KIAA1217: variants seen among roughly 807,000 people sequenced by gnomAD.
KIAA1217 encodes the protein KIAA1217, also known as sickle tail protein homolog.
In KIAA1217, 88 loss-of-function variants were observed where a neutral mutation model predicts 163.9. That is an observed-to-expected ratio of 0.54 (90% CI 0.45 to 0.64). KIAA1217 has a LOEUF of 0.64. KIAA1217 is among the 30% of genes least tolerant of loss of function. The pLI, the probability that KIAA1217 is intolerant of heterozygous loss-of-function variation, is 0.00. For synonymous variants in KIAA1217, 903 were observed against 923.1 expected (o/e 0.98, Z 0.39); for missense variants, 2,372 against 2,475.0 (o/e 0.96, Z 0.88).
At chr10:23,843,716 A>G (rs923255207) in intron 1 of KIAA1217, among the ~76,000 whole-genome samples, 1 of 152,196 alleles carries the variant, frequency 6.6e-6, no homozygotes, top group Non-Finnish European at 1.5e-5. Context: ...CTGTATAGGC[A>G]GGGTGATAAT....
chr10:24,198,597 A>T (rs910786189), intron 2 of KIAA1217, among the ~76,000 whole-genome samples: 7 of 152,034 alleles, frequency 4.6e-5, no homozygotes, highest in Admixed American at 3.9e-4. Flanking sequence ...AAAAAAAAAA[A>T]AAAGCATTTA....
intron 2 of KIAA1217, among the ~76,000 whole-genome samples, chr10:24,075,832 G>A (rs1339711546): frequency 6.6e-6 from 1 of 152,062 alleles, no homozygotes. Context: ...TTGAACTCCT[G>A]ACCTCAAGTA....
intron 5 of KIAA1217, among the ~76,000 whole-genome samples, chr10:24,463,023 T>G (rs2062582065): frequency 6.6e-6 from 1 of 152,192 alleles, no homozygotes; most frequent in Admixed American, 6.5e-5. Flanking sequence ...AGGAATTATT[T>G]GTACCATCTG....
At chr10:24,211,583 TTG>T in intron 1 of KIAA1217, among the ~76,000 whole-genome samples, 1 of 146,530 alleles carries the variant, frequency 6.8e-6, no homozygotes, top group African/African-American at 2.5e-5. Flanking sequence ...TTGTATTGTA[TTG>T]TATTGTATTT....
At chr10:24,488,313 GA>G (rs947212949) in intron 6 of KIAA1217, among the ~76,000 whole-genome samples, 2 of 152,302 alleles carry the variant, frequency 1.3e-5, no homozygotes, top group South Asian at 2.1e-4. Context: ...GATGGGAGGG[GA>G]TTTCCTGGGT....
Position 24,077,012 on chromosome 10 carries a change from G to A in KIAA1217, c.-171+69638G>A, listed in dbSNP as rs1424333745. Reference sequence around the variant, plus strand: ...CTGCCTCAGCCTCCCAAGTAGCAGGGATTACAGGCATGCACCACCATGCCT... The same window carrying A: ...CTGCCTCAGCCTCCCAAGTAGCAGGAATTACAGGCATGCACCACCATGCCT... On this transcript the variant is annotated intron_variant, in intron 2 of 18. Coordinates refer to the KIAA1217 transcript ENST00000376462. 2.0e-5 allele frequency among the ~76,000 whole-genome samples: 3 copies of A among 151,902 alleles called. No homozygotes were observed. In the East Asian group the frequency reaches 5.8e-4, roughly 29 times the overall value.
chr10:23,790,207 A>G lies in KIAA1217; in HGVS notation c.-321+94973A>G, dbSNP rs183449838. The stretch of plus-strand genomic sequence containing the variant: ...TACACATATACACATATGCATATAC[A>G]CATATACACATATGCATATGCACAT... On this transcript the variant is annotated intron_variant, in intron 1 of 18. Transcript: ENST00000376462. 9.4e-3 allele frequency among the ~76,000 whole-genome samples: 14 copies of G among 1,494 alleles called. 3 individuals carry two copies. The highest frequency in any genetic ancestry group is 0.02 in the African/African-American group (5 of 252). The allele number at this position is 1,494 out of a possible 152,430, so 1.0% of individuals were successfully genotyped here. A position where few individuals can be genotyped will look rare whatever the true frequency, so the allele number is the denominator to read the frequency against.
rs1554802292 is a variant in KIAA1217 at position 23,818,351 on chromosome 10, A to ATATAT, written c.-321+123117_-321+123118insTATAT. ...TATATTTTATATATATATATAAAAAAATATATATATATATATATATAGCCA... is the reference window on the plus strand; with the variant it reads ...TATATTTTATATATATATATAAAAAATATATATATATATATATATATATATAGCCA... On this transcript the variant is annotated intron_variant, in intron 1 of 18. Coordinates refer to the KIAA1217 transcript ENST00000376462. 4.7e-3 allele frequency among the ~76,000 whole-genome samples: 640 copies of ATATAT among 134,886 alleles called. 5 individuals carry two copies. Among genetic ancestry groups the ATATAT allele is most frequent in the African/African-American group, 0.013 (465 of 35,762 alleles). The allele number at this position is 134,886 out of a possible 152,430, so 88.5% of individuals were successfully genotyped here.
intron 2 of KIAA1217, among the ~76,000 whole-genome samples, chr10:24,257,890 T>C (rs772897151): frequency 2.0e-5 from 3 of 152,162 alleles, no homozygotes; most frequent in Non-Finnish European, 2.9e-5. Context: ...TATTTTCTGG[T>C]AAGGCCAGAC....
intron 3 of KIAA1217, among the ~76,000 whole-genome samples, chr10:24,413,509 A>G (rs1345699253): frequency 6.6e-6 from 1 of 152,038 alleles, no homozygotes; most frequent in African/African-American, 2.4e-5. Flanking sequence ...CTAGCCATTG[A>G]CCTCATCTTG....
At chr10:24,065,250 G>T (rs1489814008) in intron 2 of KIAA1217, among the ~76,000 whole-genome samples, 1 of 152,036 alleles carries the variant, frequency 6.6e-6, no homozygotes, top group Non-Finnish European at 1.5e-5. Context: ...GTCAATTTTA[G>T]ATCTTTCCTG....
At chr10:23,867,801 T>G (rs1190301931) in intron 1 of KIAA1217, among the ~76,000 whole-genome samples, 3 of 152,126 alleles carry the variant, frequency 2.0e-5, no homozygotes, top group Non-Finnish European at 4.4e-5. Flanking sequence ...ATTCTGTAGG[T>G]TGCCTGTTCA....
In KIAA1217 at chr10:24,301,771, G is replaced by T. The variant is rs369712332; in HGVS notation, c.355-79098G>T. On this transcript the variant is annotated intron_variant, in intron 2 of 20. Coordinates refer to ENST00000376454, the MANE Select transcript of KIAA1217 (RefSeq NM_019590.5). Reference sequence around the variant, plus strand: ...ATTTTTTAGAACGGGTTGGCCAGGCGCAGTGGCTCATGCCTAAAATCCCAG... The same window carrying T: ...ATTTTTTAGAACGGGTTGGCCAGGCTCAGTGGCTCATGCCTAAAATCCCAG... Among the ~76,000 whole-genome samples the T allele has an allele frequency of 1.1e-4, 17 of 152,258 alleles. No individual in the cohort carries two copies. The East Asian group carries it at 3.3e-3, about 29-fold the overall frequency.
intron 2 of KIAA1217, among the ~76,000 whole-genome samples, chr10:24,301,180 G>A (rs1023127199): frequency 3.3e-5 from 5 of 152,102 alleles, no homozygotes; most frequent in Admixed American, 6.6e-5. Flanking sequence ...TGCAGCTGGG[G>A]CAGATAAGTG....
intron 1 of KIAA1217, among the ~76,000 whole-genome samples, chr10:23,923,295 T>A (rs931679612): frequency 6.6e-6 from 1 of 152,228 alleles, no homozygotes; most frequent in African/African-American, 2.4e-5. Context: ...CAAATTGTGC[T>A]GTTATAAACA....
At chr10:23,998,621 A>G (rs1216595753) in intron 1 of KIAA1217, among the ~76,000 whole-genome samples, 1 of 152,242 alleles carries the variant, frequency 6.6e-6, no homozygotes, top group African/African-American at 2.4e-5. Context: ...TGTTTGATAC[A>G]GTTAAAAAGG....
At chr10:23,694,845 C>T (rs572965993) in exon 1 of KIAA1217, 1 of 152,888 alleles carries the variant, frequency 6.5e-6, no homozygotes, top group East Asian at 1.9e-4. Context: ...TGTCACGCTA[C>T]CCGCCCGCGG....
chr10:24,442,595 T>A (rs2060586313), intron 5 of KIAA1217, among the ~76,000 whole-genome samples: 1 of 152,244 alleles, frequency 6.6e-6, no homozygotes, highest in African/African-American at 2.4e-5. Context: ...TCCACTCAAG[T>A]CTTTATCCTT....
intron 1 of KIAA1217, among the ~76,000 whole-genome samples, chr10:23,941,009 A>G (rs566372837): frequency 9.2e-5 from 14 of 152,212 alleles, no homozygotes; most frequent in Non-Finnish European, 1.9e-4. Context: ...GTTTCTTGAT[A>G]GAGCAGCTCT....
Sources: allele counts gnomAD v4.1 joint callset (sites outside exome capture counted in the v4.1 genomes callset), GRCh38; gene constraint gnomAD v4.1.1; transcripts MANE v1.5; gene names NCBI Gene and HGNC (gene_info 2026-07-23, HGNC 2026-07-21).